NLGN1: variants seen among roughly 807,000 people sequenced by gnomAD.
The protein encoded by NLGN1 is neuroligin 1.
In NLGN1, 12 loss-of-function variants were observed where a neutral mutation model predicts 65.5. The observed-to-expected ratio is 0.18, with a 90% CI of 0.12 to 0.30. NLGN1 has a LOEUF of 0.30. NLGN1 is among the 10% of genes least tolerant of loss of function. NLGN1 has a pLI of 1.00. For missense variants in NLGN1, 750 were observed against 1,007.1 expected, an observed-to-expected ratio of 0.74 and a Z score of 3.46; for synonymous variants, 350 against 359.5, an observed-to-expected ratio of 0.97 and a Z score of 0.30.
At chr3:173,401,589 T>A (rs1174055559) in intron 1 of NLGN1, among the ~76,000 whole-genome samples, 1 of 152,124 alleles carries the variant, frequency 6.6e-6, no homozygotes, top group African/African-American at 2.4e-5. Context: ...TCCATTCTCG[T>A]ATCACTGCCA....
At chr3:173,992,458 G>A (rs1325155661) in intron 4 of NLGN1, among the ~76,000 whole-genome samples, 1 of 152,080 alleles carries the variant, frequency 6.6e-6, no homozygotes, top group African/African-American at 2.4e-5. Flanking sequence ...AGAAATGTCT[G>A]ATTCAACAAA....
At chr3:173,474,881 C>T (rs1184934228) in intron 2 of NLGN1, among the ~76,000 whole-genome samples, 1 of 151,936 alleles carries the variant, frequency 6.6e-6, no homozygotes, top group Non-Finnish European at 1.5e-5. Flanking sequence ...TTGCTTGAAC[C>T]CGGGAGGCAG....
intron 3 of NLGN1, among the ~76,000 whole-genome samples, chr3:173,718,681 A>G (rs1353864885): frequency 3.3e-5 from 5 of 152,194 alleles, no homozygotes; most frequent in Non-Finnish European, 1.5e-5. Context: ...CTGGTTATGA[A>G]TATCCTGAGT....
chr3:174,144,075 C>G (rs1166528148), intron 4 of NLGN1, among the ~76,000 whole-genome samples: 1 of 152,086 alleles, frequency 6.6e-6, no homozygotes, highest in Non-Finnish European at 1.5e-5. Context: ...AGCCTCCCAC[C>G]CTCTGACATG....
chr3:173,483,163 A>C (rs1456298880), intron 2 of NLGN1, among the ~76,000 whole-genome samples: 5 of 152,044 alleles, frequency 3.3e-5, no homozygotes, highest in Admixed American at 3.3e-4. Flanking sequence ...CATCTTTTTG[A>C]TGTTGTTTAT....
chr3:174,018,511 T>C (rs1396540572), intron 4 of NLGN1, among the ~76,000 whole-genome samples: 1 of 152,172 alleles, frequency 6.6e-6, no homozygotes, highest in Non-Finnish European at 1.5e-5. Context: ...GTCCATGAAA[T>C]CGTCACAATT....
chr3:173,470,152 C>G (rs910376693), intron 2 of NLGN1, among the ~76,000 whole-genome samples: 15 of 152,140 alleles, frequency 9.9e-5, no homozygotes, highest in Middle Eastern at 3.4e-3. Context: ...CTCTAATATG[C>G]TCAAAACCCA....
chr3:173,413,931 T>C (rs180993518), intron 1 of NLGN1, among the ~76,000 whole-genome samples: 2 of 152,268 alleles, frequency 1.3e-5, no homozygotes, highest in East Asian at 3.9e-4. Context: ...GTAGAAGAGA[T>C]GATGTGAGCT....
chr3:173,590,657 T>C (rs1428500993), intron 2 of NLGN1, among the ~76,000 whole-genome samples: 1 of 152,196 alleles, frequency 6.6e-6, no homozygotes, highest in Non-Finnish European at 1.5e-5. Flanking sequence ...ACTAAACATG[T>C]AACCTCTTTA....
intron 4 of NLGN1, among the ~76,000 whole-genome samples, chr3:174,157,239 A>G (rs1725606736): frequency 6.6e-6 from 1 of 151,664 alleles, no homozygotes; most frequent in Non-Finnish European, 1.5e-5. Flanking sequence ...GCTTCTTAAT[A>G]AGATGCTTAT....
intron 2 of NLGN1, among the ~76,000 whole-genome samples, chr3:173,478,268 T>A (rs1280444559): frequency 6.6e-6 from 1 of 152,178 alleles, no homozygotes; most frequent in African/African-American, 2.4e-5. Flanking sequence ...TGGTTGGATC[T>A]GGAAGCCATT....
chr3:174,225,096 T>G (rs1025516775), intron 4 of NLGN1, among the ~76,000 whole-genome samples: 1 of 152,172 alleles, frequency 6.6e-6, no homozygotes, highest in Non-Finnish European at 1.5e-5. Flanking sequence ...ATCCCTTACT[T>G]TGGTTGGGAA....
chr3:174,052,511 A>G (rs1458328711), intron 4 of NLGN1, among the ~76,000 whole-genome samples: 1 of 151,996 alleles, frequency 6.6e-6, no homozygotes, highest in Non-Finnish European at 1.5e-5. Flanking sequence ...TTTAACTTGA[A>G]TAAATTTCAT....
intron 2 of NLGN1, among the ~76,000 whole-genome samples, chr3:173,517,873 C>T (rs1246446061): frequency 1.3e-5 from 2 of 151,812 alleles, no homozygotes; most frequent in Non-Finnish European, 2.9e-5. Flanking sequence ...CATGAAGTTC[C>T]AATATATAGA....
At chr3:173,476,239 G>T (rs1043959343) in intron 2 of NLGN1, among the ~76,000 whole-genome samples, 1 of 152,144 alleles carries the variant, frequency 6.6e-6, no homozygotes, top group African/African-American at 2.4e-5. Flanking sequence ...GCTAGATGTT[G>T]AAAATAAGTT....
chr3:173,621,359 C>G (rs1440688205), intron 3 of NLGN1, among the ~76,000 whole-genome samples: 1 of 152,084 alleles, frequency 6.6e-6, no homozygotes, highest in Non-Finnish European at 1.5e-5. Context: ...AGGGGAAAGG[C>G]ATTACAGTTG....
chr3:174,220,013 G>A (rs1561319225), intron 4 of NLGN1, among the ~76,000 whole-genome samples: 1 of 152,076 alleles, frequency 6.6e-6, no homozygotes, highest in Admixed American at 6.6e-5. Flanking sequence ...GTAGTGGGAA[G>A]GGACCAGGCA....
intron 4 of NLGN1, among the ~76,000 whole-genome samples, chr3:174,041,978 TG>T (rs1340934198): frequency 6.6e-6 from 1 of 151,964 alleles, no homozygotes; most frequent in Non-Finnish European, 1.5e-5. Flanking sequence ...CACTTGAACC[TG>T]GGAGGTAGAG....
chr3:174,177,511 T>C (rs1465500249), intron 4 of NLGN1, among the ~76,000 whole-genome samples: 1 of 152,032 alleles, frequency 6.6e-6, no homozygotes, highest in Non-Finnish European at 1.5e-5. Flanking sequence ...ATATATTACA[T>C]ATAATAAAAG....
Sources: allele counts gnomAD v4.1 joint callset (sites outside exome capture counted in the v4.1 genomes callset), GRCh38; gene constraint gnomAD v4.1.1; transcripts MANE v1.5; gene names NCBI Gene and HGNC (gene_info 2026-07-23, HGNC 2026-07-21).